UBN2: variants seen among roughly 807,000 people sequenced by gnomAD.
UBN2 encodes the protein ubinuclein-2.
A neutral mutation model predicts 120.2 loss-of-function variants in UBN2; 35 were observed. The observed-to-expected ratio is 0.29, with a 90% CI of 0.22 to 0.39. The LOEUF is 0.39. Among genes scored for constraint, UBN2 ranks in the 10% least tolerant of loss-of-function variants. The pLI is 1.00. For synonymous variants in UBN2, 661 were observed against 648.7 expected, an observed-to-expected ratio of 1.02 and a Z score of -0.29; for missense variants, 1,693 against 1,663.2, an observed-to-expected ratio of 1.02 and a Z score of -0.31.
At position 139,293,472 on chromosome 7, in the gene UBN2, G is replaced by C. The variant is rs371931005; in HGVS notation, c.3901+9G>C. 3,930 of 1,612,992 alleles carry C rather than the reference G, an allele frequency of 2.4e-3. 9 individuals are homozygous for C. Among genetic ancestry groups the C allele is most frequent in the Non-Finnish European group, 3.0e-3 (3,576 of 1,179,050 alleles). On this transcript the variant is annotated intron_variant, in intron 16 of 17. Coordinates refer to ENST00000473989, the MANE Select transcript of UBN2 (RefSeq NM_173569.4). ...CCATAGCCTAACTCAGAGTAAGTGGGGCTCTTCTATTTGGTTGGGCTGTCT... is the reference window on the plus strand; with the variant it reads ...CCATAGCCTAACTCAGAGTAAGTGGCGCTCTTCTATTTGGTTGGGCTGTCT...
chr7:139,280,828 C>A (rs908931465), intron 13 of UBN2, among the ~76,000 whole-genome samples: 2 of 151,986 alleles, frequency 1.3e-5, no homozygotes, highest in Non-Finnish European at 2.9e-5. Flanking sequence ...ATATTTTTAG[C>A]AGAGACGGGG....
chr7:139,261,948 C>CTTTTTT (rs72000087), intron 6 of UBN2, among the ~76,000 whole-genome samples: 3 of 131,974 alleles, frequency 2.3e-5, no homozygotes, highest in Non-Finnish European at 4.9e-5. Context: ...TTCTTTCTTT[C>CTTTTTT]TTTTTTTTTT....
intron 15 of UBN2, among the ~76,000 whole-genome samples, chr7:139,287,017 C>A (rs1321416591): frequency 6.6e-6 from 1 of 151,744 alleles, no homozygotes; most frequent in Non-Finnish European, 1.5e-5. Context: ...CATTTACTTT[C>A]ATCAGAAATA....
At chr7:139,291,464 A>C (rs1000828303) in intron 15 of UBN2, among the ~76,000 whole-genome samples, 1 of 152,162 alleles carries the variant, frequency 6.6e-6, no homozygotes, top group Non-Finnish European at 1.5e-5. Context: ...TAAGGCTACA[A>C]AAGAAATCTC....
the UBN2 span, among the ~76,000 whole-genome samples, chr7:139,321,423 C>T: frequency 2.6e-5 from 4 of 152,198 alleles, no homozygotes; most frequent in South Asian, 2.1e-4. Flanking sequence ...TTGAGGGACA[C>T]GTGGACTGGG....
At chr7:139,280,066 A>G (rs530924897) in intron 13 of UBN2, among the ~76,000 whole-genome samples, 1 of 152,310 alleles carries the variant, frequency 6.6e-6, no homozygotes, top group East Asian at 1.9e-4. Context: ...CTGGATTAGT[A>G]GTGACCCGGG....
the UBN2 span, among the ~76,000 whole-genome samples, chr7:139,324,584 A>G: frequency 1.3e-5 from 2 of 151,314 alleles, no homozygotes; most frequent in Non-Finnish European, 2.9e-5. Flanking sequence ...AAGAAAAAGA[A>G]ACTTATGCTA....
chr7:139,284,347 A>G lies in UBN2; in HGVS notation c.3442A>G (p.Lys1148Glu). ...TACAAAAAATCTTCAGGCCCCCTCAAAGCTAACAAACTCATCATCCACTGG... is the reference window on the plus strand; with the variant it reads ...TACAAAAAATCTTCAGGCCCCCTCAGAGCTAACAAACTCATCATCCACTGG... Reference protein sequence around the residue: ...PPTKNLQAPSKLTNSSSTGTV... With the variant: ...PPTKNLQAPSELTNSSSTGTV... Residue 1148 changes from lysine to glutamate, a missense_variant, in exon 15 of 18, where the codon AAG (lysine) becomes GAG (glutamate). Physicochemically the swap from Lys to Glu is moderately conservative, Grantham distance 56. This residue lies in a region of UBN2 where 837 missense variants were observed against 817.6 expected (regional missense o/e 1.02). Coordinates refer to ENST00000473989, the MANE Select transcript of UBN2 (RefSeq NM_173569.4). The G allele has an allele frequency of 6.2e-7, 1 of 1,614,126 alleles. No homozygotes were observed. The highest frequency in any genetic ancestry group is 8.5e-7 in the Non-Finnish European group (1 of 1,180,028).
In UBN2 at chr7:139,305,783, A is replaced by G. The variant is rs1798347475; in HGVS notation, c.*7947A>G. 6.6e-6 allele frequency: 1 copy of G among 152,282 alleles called. No homozygotes were observed. 9.4% of individuals were successfully genotyped at this position (152,282 alleles called of 1,614,324 possible). On this transcript the variant is annotated 3_prime_UTR_variant, in exon 18 of 18. Transcript: ENST00000473989. Reference sequence around the variant, plus strand: ...TTCCTCTTCTCCTTTGTATTAAAAAATAGATTTTGCTACTGTATAATGCGG... The same window carrying G: ...TTCCTCTTCTCCTTTGTATTAAAAAGTAGATTTTGCTACTGTATAATGCGG...
chr7:139,282,143 G>T lies in UBN2; in HGVS notation c.2118+88G>T, dbSNP rs541099009. The stretch of plus-strand genomic sequence containing the variant: ...TTAAGAAACTAATTGAAGAGACTTT[G>T]ATACGACTTTTATGTAATAGGCTTT... On this transcript the variant is annotated intron_variant, in intron 14 of 17. Coordinates refer to ENST00000473989, the MANE Select transcript of UBN2 (RefSeq NM_173569.4). 1,193 of 1,174,084 alleles carry T rather than the reference G, an allele frequency of 1.0e-3. 1 individual carries two copies. Among genetic ancestry groups the T allele is most frequent in the Non-Finnish European group, 1.4e-3 (1,136 of 798,482 alleles). The allele number at this position is 1,174,084 out of a possible 1,614,324, so 72.7% of individuals were successfully genotyped here.
intron 3 of UBN2, among the ~76,000 whole-genome samples, chr7:139,252,519 T>C (rs1321730967): frequency 6.6e-6 from 1 of 152,232 alleles, no homozygotes; most frequent in Non-Finnish European, 1.5e-5. Flanking sequence ...TTAATTTCTT[T>C]TGATTTTTTT....
chr7:139,254,220 G>A (rs1197770825), intron 3 of UBN2, among the ~76,000 whole-genome samples: 4 of 152,152 alleles, frequency 2.6e-5, no homozygotes, highest in Non-Finnish European at 5.9e-5. Flanking sequence ...TTGAACCCGG[G>A]AGGCGGAGCT....
At chr7:139,290,225 T>C (rs754244545) in intron 15 of UBN2, among the ~76,000 whole-genome samples, 2 of 152,182 alleles carry the variant, frequency 1.3e-5, no homozygotes, top group African/African-American at 4.8e-5. Flanking sequence ...TGAGCCACCG[T>C]GCCTTGCCAA....
rs540060713 is a variant in UBN2, at chr7:139,295,883, C to T, written c.3994+1902C>T. ...CTGCAGTGAGCTCTGATTGTGCCACCGCACTCCAGTCTGGGTGACAGAGTG... is the reference window on the plus strand; with the variant it reads ...CTGCAGTGAGCTCTGATTGTGCCACTGCACTCCAGTCTGGGTGACAGAGTG... On this transcript the variant is annotated intron_variant, in intron 17 of 17. Coordinates refer to ENST00000473989, the MANE Select transcript of UBN2 (RefSeq NM_173569.4). Among the ~76,000 whole-genome samples the T allele has an allele frequency of 6.6e-5, 10 of 152,122 alleles. No individual in the cohort carries two copies. The East Asian group carries it at 1.4e-3, about 21-fold the overall frequency.
At chr7:139,254,129 T>G (rs913081751) in intron 3 of UBN2, among the ~76,000 whole-genome samples, 7 of 152,146 alleles carry the variant, frequency 4.6e-5, no homozygotes, top group Middle Eastern at 3.4e-3. Context: ...CCATCTCTAC[T>G]AAAAATACAA....
At chr7:139,249,009 TCTG>T (rs373178798) in intron 2 of UBN2, among the ~76,000 whole-genome samples, 6 of 147,426 alleles carry the variant, frequency 4.1e-5, no homozygotes, top group African/African-American at 1.1e-4. Flanking sequence ...ATTTATTACA[TCTG>T]TGTGTGTGTG....
chr7:139,270,512 G>A (rs1025386702), intron 8 of UBN2, among the ~76,000 whole-genome samples: 37 of 151,928 alleles, frequency 2.4e-4, no homozygotes, highest in African/African-American at 7.5e-4. Flanking sequence ...CAGGTGATCC[G>A]CCCAGCTTGG....
chr7:139,296,666 A>G (rs1195199432), intron 17 of UBN2, among the ~76,000 whole-genome samples: 3 of 152,190 alleles, frequency 2.0e-5, no homozygotes, highest in Admixed American at 6.5e-5. Flanking sequence ...TAGGTAATTT[A>G]GTTGAGGCTT....
intron 17 of UBN2, among the ~76,000 whole-genome samples, chr7:139,297,443 C>T (rs1378362644): frequency 2.6e-5 from 4 of 151,946 alleles, no homozygotes; most frequent in South Asian, 4.2e-4. Context: ...TGTAGTGGGT[C>T]CCTCGGAGGT....
Sources: allele counts gnomAD v4.1 joint callset (sites outside exome capture counted in the v4.1 genomes callset), GRCh38; gene constraint gnomAD v4.1.1; regional missense constraint gnomAD v4.1.1; transcripts MANE v1.5; gene names NCBI Gene and HGNC (gene_info 2026-07-23, HGNC 2026-07-21).